LMOD2: variants seen among roughly 807,000 people sequenced by gnomAD.
LMOD2 encodes leiomodin-2.
LMOD2 carries 27 observed loss-of-function variants against 41.7 expected under a neutral mutation model. That is an observed-to-expected ratio of 0.65 (90% CI 0.48 to 0.89). The LOEUF (loss-of-function observed/expected upper bound fraction) is 0.89, where lower values mean the gene tolerates loss of function less well. Among genes scored for constraint, LMOD2 ranks in the 40% least tolerant of loss-of-function variants. The pLI, the probability that LMOD2 is intolerant of heterozygous loss-of-function variation, is 0.00. For synonymous variants in LMOD2, 251 were observed against 244.6 expected (o/e 1.03, Z -0.25); for missense variants, 624 against 667.9 (o/e 0.93, Z 0.72).
chr7:123,659,981 C>G (rs1271760992), intron 1 of LMOD2, among the ~76,000 whole-genome samples: 1 of 152,194 alleles, frequency 6.6e-6, no homozygotes, highest in South Asian at 2.1e-4. Flanking sequence ...AGGCCGTATA[C>G]CTTGGATTTT....
Position 123,656,070 on chromosome 7 carries a change from A to G in LMOD2, c.107A>G (p.Glu36Gly). The change falls in exon 1 of 3, where the codon GAG (glutamate) becomes GGG (glycine). Residue 36 changes from glutamate (E) to glycine (G), a missense_variant. Glu to Gly is a moderately conservative substitution (Grantham distance 98, BLOSUM62 -2). Coordinates refer to ENST00000458573, the MANE Select transcript of LMOD2 (RefSeq NM_207163.3). ...GAGGAGCTGAAGGAGCTAGAGAGAG[A>G]GTTGGAAGACATTGAACCTGACCGC... ...SAEELKELER[E>G]LEDIEPDRNL... The G allele has an allele frequency of 6.2e-7, 1 of 1,612,168 alleles. No individual in the cohort carries two copies. Among genetic ancestry groups the G allele is most frequent in the Non-Finnish European group, 8.5e-7 (1 of 1,179,180 alleles).
chr7:123,657,770 T>C (rs1164291180), intron 1 of LMOD2, among the ~76,000 whole-genome samples: 1 of 142,698 alleles, frequency 7.0e-6, no homozygotes, highest in Non-Finnish European at 1.5e-5. Context: ...AGCCTAGGAG[T>C]TCAAATCCAG....
chr7:123,662,875 C>G lies in LMOD2; in HGVS notation c.1289C>G (p.Pro430Arg). Residue 430 changes from proline (P) to arginine (R), a missense_variant, in exon 2 of 3, where the codon CCT becomes CGT. Transcript: ENST00000458573. The surrounding 1 kb of genome is among the most constrained non-coding windows in gnomAD (Gnocchi z 4.0). ...TPPPPPPPPP[P>R]PPPSSQRLPP... ...CCTCCTCCTCCCCCTCCTCCTCCTCCTCCCCCTCCTTCTTCCCAAAGGCTG... is the reference window on the plus strand; with the variant it reads ...CCTCCTCCTCCCCCTCCTCCTCCTCGTCCCCCTCCTTCTTCCCAAAGGCTG... The G allele has an allele frequency of 6.4e-7, 1 of 1,558,794 alleles. No homozygotes were observed. Among genetic ancestry groups the G allele is most frequent in the Non-Finnish European group, 8.7e-7 (1 of 1,152,016 alleles).
chr7:123,662,093 A>G lies in LMOD2; in HGVS notation c.507A>G (p.Gln169=), dbSNP rs754940864. 2 of 1,610,348 alleles carry G rather than the reference A, an allele frequency of 1.2e-6. No homozygotes were observed. The highest frequency in any genetic ancestry group is 2.7e-5 in the African/African-American group (2 of 74,910). The change falls in exon 2 of 3, where the codon CAA becomes CAG. Residue 169 remains glutamine (Q), a synonymous_variant. Transcript: ENST00000458573. The surrounding 1 kb of genome is among the most constrained non-coding windows in gnomAD (Gnocchi z 4.0). ...DNSKPKIFKS[Q]IENINLTNGS... Reference sequence around the variant, plus strand: ...CTAAGCCAAAGATATTTAAAAGTCAAATAGAGAACATAAATTTGACCAATG... The same window carrying G: ...CTAAGCCAAAGATATTTAAAAGTCAGATAGAGAACATAAATTTGACCAATG...
At position 123,661,848 on chromosome 7, in the gene LMOD2, C is replaced by T. The variant is rs1310485017; in HGVS notation, c.274-12C>T. The T allele has an allele frequency of 6.8e-7, 1 of 1,467,066 alleles. No homozygotes were observed. The highest frequency in any genetic ancestry group is 1.4e-5 in the South Asian group (1 of 71,932). 90.9% of individuals were successfully genotyped at this position (1,467,066 alleles called of 1,614,324 possible). On this transcript the variant is annotated splice_polypyrimidine_tract_variant and intron_variant, in intron 1 of 2. Coordinates refer to ENST00000458573, the MANE Select transcript of LMOD2 (RefSeq NM_207163.3). ...TTTTTAAGAAGCTTAATGATGATAT[C>T]ATACTCTTTAGGTTGCAGAAGACAA... is the stretch of plus-strand genomic sequence containing the variant.
At position 123,656,363 on chromosome 7, in the gene LMOD2, G is replaced by T. The variant is rs1802787766; in HGVS notation, c.273+127G>T. On this transcript the variant is annotated intron_variant, in intron 1 of 2. Coordinates refer to ENST00000458573, the MANE Select transcript of LMOD2 (RefSeq NM_207163.3). ...ATTTTCCTATAACCCATTTATACTT[G>T]CTACTAAATCATTTTTCAGGCTGAA... 5.2e-6 allele frequency: 5 copies of T among 962,338 alleles called. No individual in the cohort carries two copies. The South Asian group carries it at 9.1e-5, about 18-fold the overall frequency. The allele number at this position is 962,338 out of a possible 1,614,324, so 59.6% of individuals were successfully genotyped here.
chr7:123,663,593 A>G, intron 2 of LMOD2, 126 bp from the exon 3 acceptor site: 1 of 772,400 alleles, frequency 1.3e-6, no homozygotes, highest in East Asian at 2.7e-5. Context: ...TGTGGTAAAA[A>G]AATTACCATG....
At chr7:123,657,167 C>A (rs1379394695) in intron 1 of LMOD2, among the ~76,000 whole-genome samples, 2 of 151,948 alleles carry the variant, frequency 1.3e-5, no homozygotes, top group African/African-American at 2.4e-5. Flanking sequence ...CCAAATGAGT[C>A]AATACCAGAA....
At position 123,662,748 on chromosome 7, in the gene LMOD2, T is replaced by C. The variant is rs759859155; in HGVS notation, c.1162T>C (p.Ser388Pro). Residue 388 changes from serine to proline, a missense_variant, in exon 2 of 3, where the codon TCA (serine) becomes CCA (proline). By Grantham distance (74) the Ser-to-Pro change is moderately conservative (BLOSUM62 -1). Coordinates refer to ENST00000458573, the MANE Select transcript of LMOD2 (RefSeq NM_207163.3). This position sits in a 1 kb window ranked among gnomAD's most constrained non-coding sequence, Gnocchi z 4.0. ...CTGGCAAAGAGGAACACCTAGCTCT[T>C]CACCTTATGTATCTCCCAGGCACTC... is the stretch of plus-strand genomic sequence containing the variant. ...KVWQRGTPSS[S>P]PYVSPRHSPW... is the part of the protein sequence containing the mutation. 6.2e-7 allele frequency: 1 copy of C among 1,613,850 alleles called. No individual in the cohort carries two copies. Among genetic ancestry groups the C allele is most frequent in the Admixed American group, 1.7e-5 (1 of 60,008 alleles).
chr7:123,663,667 T>C, intron 2 of LMOD2, 52 bp from the exon 3 acceptor site: 2 of 1,493,420 alleles, frequency 1.3e-6, no homozygotes, highest in Non-Finnish European at 1.8e-6. Context: ...ACAGATATTT[T>C]TCACTTATCA....
rs907748147 is a variant in LMOD2, at chr7:123,664,214, G to A, written c.*469G>A. ...TAAAAAGCCAAACTAATATTTTTCT[G>A]TGAGTTAATACATCTGTCAGGTGTG... On this transcript the variant is annotated 3_prime_UTR_variant, in exon 3 of 3. Transcript: ENST00000458573. 2 of 153,394 alleles carry A rather than the reference G, an allele frequency of 1.3e-5. No individual in the cohort carries two copies. Among genetic ancestry groups the A allele is most frequent in the African/African-American group, 4.9e-5 (2 of 40,652 alleles). 9.5% of individuals were successfully genotyped at this position (153,394 alleles called of 1,614,324 possible).
chr7:123,662,865 C>T lies in LMOD2; in HGVS notation c.1279C>T (p.Pro427Ser). The T allele has an allele frequency of 3.2e-6, 5 of 1,540,452 alleles. No homozygotes were observed. The East Asian group carries it at 1.2e-4, about 37-fold the overall frequency. Residue 427 changes from proline (P) to serine (S), a missense_variant, in exon 2 of 3, where the codon CCT becomes TCT. Physicochemically the swap from Pro to Ser is moderately conservative, Grantham distance 74 (BLOSUM62 -1). Transcript: ENST00000458573. This position sits in a 1 kb window ranked among gnomAD's most constrained non-coding sequence, Gnocchi z 4.0. ...PVATPPPPPPPPPPPPPSSQR... is the reference protein window; with the variant it reads ...PVATPPPPPPSPPPPPPSSQR... The stretch of plus-strand genomic sequence containing the variant: ...GGCCACACCTCCTCCTCCTCCCCCT[C>T]CTCCTCCTCCTCCCCCTCCTTCTTC...
intron 1 of LMOD2, among the ~76,000 whole-genome samples, chr7:123,661,177 A>C (rs1802869503): frequency 6.6e-6 from 1 of 152,196 alleles, no homozygotes; most frequent in Non-Finnish European, 1.5e-5. Context: ...GGACAGCTAC[A>C]GAGGCAGCTC....
At position 123,662,398 on chromosome 7, in the gene LMOD2, C is replaced by A. The variant is rs1231589552; in HGVS notation, c.812C>A (p.Thr271Asn). The A allele has an allele frequency of 1.2e-6, 2 of 1,613,966 alleles. No homozygotes were observed. Among genetic ancestry groups the A allele is most frequent in the Admixed American group, 3.3e-5 (2 of 60,018 alleles). Residue 271 changes from threonine to asparagine, a missense_variant, in exon 2 of 3, where the codon ACC becomes AAC. Transcript: ENST00000458573. The surrounding 1 kb of genome is among the most constrained non-coding windows in gnomAD (Gnocchi z 4.0). ...AEMLKVNEHI[T>N]NVNVESNFIT... is the part of the protein sequence containing the mutation. ...ATGCTCAAAGTCAATGAGCACATCA[C>A]CAACGTAAACGTCGAGTCCAACTTC... is the stretch of plus-strand genomic sequence containing the variant.
At chr7:123,659,534 G>A (rs1401517544) in intron 1 of LMOD2, among the ~76,000 whole-genome samples, 3 of 152,120 alleles carry the variant, frequency 2.0e-5, no homozygotes, top group African/African-American at 7.2e-5. Context: ...AGGCAAACTG[G>A]GAGGGTTTAT....
chr7:123,661,873 A>T lies in LMOD2; in HGVS notation c.287A>T (p.Lys96Ile). The part of the protein sequence containing the change: ...LGECGKVAED[K>I]EESEEELIFT... ...CATACTCTTTAGGTTGCAGAAGACA[A>T]AGAGGAAAGTGAAGAAGAGCTTATC... The change falls in exon 2 of 3, where the codon AAA becomes ATA. Residue 96 changes from lysine to isoleucine, a missense_variant. Lys to Ile is a moderately radical substitution (Grantham distance 102). Coordinates refer to ENST00000458573, the MANE Select transcript of LMOD2 (RefSeq NM_207163.3). 6.6e-7 allele frequency: 1 copy of T among 1,522,124 alleles called. No individual in the cohort carries two copies. The highest frequency in any genetic ancestry group is 1.3e-5 in the South Asian group (1 of 78,600). The allele number at this position is 1,522,124 out of a possible 1,614,324, so 94.3% of individuals were successfully genotyped here.
intron 1 of LMOD2, 62 bp downstream of exon 1, chr7:123,656,298 G>C: frequency 6.7e-7 from 1 of 1,496,520 alleles, no homozygotes; most frequent in Non-Finnish European, 9.0e-7. Context: ...CCCAAACCCA[G>C]ACACTTGTTT....
chr7:123,657,416 A>G (rs1322785692), intron 1 of LMOD2, among the ~76,000 whole-genome samples: 1 of 152,132 alleles, frequency 6.6e-6, no homozygotes, highest in East Asian at 1.9e-4. Flanking sequence ...CTTGGCCACA[A>G]TTGCAGCAAG....
chr7:123,657,493 C>T (rs1184299267), intron 1 of LMOD2, among the ~76,000 whole-genome samples: 6 of 152,110 alleles, frequency 3.9e-5, no homozygotes, highest in African/African-American at 1.4e-4. Context: ...CAGGGTCTGC[C>T]AAGGCCACAG....
Sources: gnomAD v4.1 joint callset for allele counts (sites outside exome capture counted in the v4.1 genomes callset) on GRCh38, gnomAD v4.1.1 for gene constraint, Gnocchi (gnomAD v3.1) non-coding constraint, MANE v1.5 for transcripts, NCBI Gene and HGNC (gene_info 2026-07-23, HGNC 2026-07-21) for gene names.